The following AFF3 variants were observed in gnomAD, a reference collection of about 807,000 sequenced individuals.
The protein encoded by AFF3 is ALF transcription elongation factor 3.
Under a neutral mutation model 129.7 loss-of-function variants are expected in AFF3, and 32 were observed. That is an observed-to-expected ratio of 0.25 (90% confidence interval 0.19 to 0.33). The LOEUF (loss-of-function observed/expected upper bound fraction) is 0.33, where lower values mean the gene tolerates loss of function less well. Among genes scored for constraint, AFF3 ranks in the 10% least tolerant of loss-of-function variants. AFF3 has a pLI of 1.00. For synonymous variants in AFF3, 644 were observed against 635.4 expected (o/e 1.01, Z -0.20); for missense variants, 1,373 against 1,592.0 (o/e 0.86, Z 2.34).
At chr2:99,564,981 G>A (rs561034247) in intron 20 of AFF3, among the ~76,000 whole-genome samples, 45 of 152,168 alleles carry the variant, frequency 3.0e-4, no homozygotes, top group Non-Finnish European at 4.9e-4. Context: ...GCCTTGACAC[G>A]TCTGCTCACA....
chr2:99,825,035 G>A (rs1001371625), intron 8 of AFF3, among the ~76,000 whole-genome samples: 1 of 152,158 alleles, frequency 6.6e-6, no homozygotes, highest in Non-Finnish European at 1.5e-5. Flanking sequence ...TCTGGAAATA[G>A]GTCTGAGTTC....
At chr2:100,065,022 G>A (rs535159653) in intron 4 of AFF3, among the ~76,000 whole-genome samples, 14 of 152,292 alleles carry the variant, frequency 9.2e-5, no homozygotes, top group Admixed American at 3.3e-4. Context: ...TTAGTTCATA[G>A]ACAAGTTAAC....
At chr2:99,561,863 G>C (rs1454812015) in intron 20 of AFF3, among the ~76,000 whole-genome samples, 1 of 152,114 alleles carries the variant, frequency 6.6e-6, no homozygotes. Flanking sequence ...GTCTTTTAGA[G>C]ACACATACTT....
At chr2:99,817,973 A>ATGCAGAAT (rs1687373193) in intron 8 of AFF3, among the ~76,000 whole-genome samples, 1 of 152,216 alleles carries the variant, frequency 6.6e-6, no homozygotes, top group Admixed American at 6.5e-5. Flanking sequence ...ATGAAGACAT[A>ATGCAGAAT]TGCAGAATTC....
intron 4 of AFF3, among the ~76,000 whole-genome samples, chr2:100,022,356 T>C (rs193008501): frequency 1.6e-4 from 24 of 152,316 alleles, no homozygotes; most frequent in Non-Finnish European, 2.8e-4. Flanking sequence ...ACTCTAACAA[T>C]GTGTTTGTTT....
At chr2:99,559,047 G>T in intron 21 of AFF3, 79 bp from the exon 22 acceptor site, 2 of 1,301,432 alleles carry the variant, frequency 1.5e-6, no homozygotes, top group Non-Finnish European at 1.1e-6. Flanking sequence ...TTTTGTTGTT[G>T]TTCTAAGGTA....
chr2:99,972,222 A>G (rs1678456899), intron 7 of AFF3, among the ~76,000 whole-genome samples: 1 of 152,234 alleles, frequency 6.6e-6, no homozygotes, highest in South Asian at 2.1e-4. Context: ...CTCAGAAGAC[A>G]CAGGCTGGCT....
intron 8 of AFF3, among the ~76,000 whole-genome samples, chr2:99,773,494 T>C (rs958760915): frequency 6.9e-6 from 1 of 144,880 alleles, no homozygotes; most frequent in South Asian, 2.1e-4. Flanking sequence ...AATTCTTCTT[T>C]GGAAACTGTG....
At chr2:99,806,431 G>T (rs1371456137) in intron 8 of AFF3, among the ~76,000 whole-genome samples, 1 of 152,180 alleles carries the variant, frequency 6.6e-6, no homozygotes. Context: ...TCAGCTCTGC[G>T]ATGGGAGTGT....
intron 4 of AFF3, among the ~76,000 whole-genome samples, chr2:100,030,975 T>G (rs1684442130): frequency 6.6e-6 from 1 of 152,140 alleles, no homozygotes; most frequent in African/African-American, 2.4e-5. Flanking sequence ...AGAGTAAACC[T>G]TAAATCTCAT....
At chr2:99,689,642 T>C (rs570293435) in intron 11 of AFF3, among the ~76,000 whole-genome samples, 1 of 111,970 alleles carries the variant, frequency 8.9e-6, no homozygotes, top group South Asian at 3.2e-4. Context: ...GAGACACAGG[T>C]ATTTATTTAA....
intron 18 of AFF3, among the ~76,000 whole-genome samples, chr2:99,571,608 G>A (rs1284548436): frequency 6.6e-6 from 1 of 152,178 alleles, no homozygotes; most frequent in Admixed American, 6.5e-5. Context: ...AGTAACCTGA[G>A]ATGCTAATAG....
chr2:99,662,538 T>C (rs1056573271), intron 12 of AFF3, among the ~76,000 whole-genome samples: 3 of 152,198 alleles, frequency 2.0e-5, no homozygotes, highest in Non-Finnish European at 4.4e-5. Context: ...TGTGGTTAAG[T>C]TATCATAACG....
At chr2:99,570,423 A>T (rs1676367042) in intron 18 of AFF3, among the ~76,000 whole-genome samples, 1 of 152,064 alleles carries the variant, frequency 6.6e-6, no homozygotes, top group African/African-American at 2.4e-5. Flanking sequence ...TGCAGCATCA[A>T]CCACCTGGGG....
intron 13 of AFF3, among the ~76,000 whole-genome samples, chr2:99,615,126 C>T (rs569775755): frequency 6.6e-6 from 1 of 152,332 alleles, no homozygotes; most frequent in East Asian, 1.9e-4. Flanking sequence ...GCCTGTCCTT[C>T]AGATGGAAGT....
chr2:99,744,203 T>C (rs1680951746), intron 9 of AFF3, 63 bp from the exon 10 acceptor site: 2 of 1,462,574 alleles, frequency 1.4e-6, no homozygotes, highest in Non-Finnish European at 1.9e-6. Flanking sequence ...AAGTTAAACA[T>C]GAGATCATGT....
chr2:99,829,232 A>G (rs1277759839), intron 8 of AFF3, among the ~76,000 whole-genome samples: 6 of 152,344 alleles, frequency 3.9e-5, no homozygotes, highest in African/African-American at 1.2e-4. Context: ...ATGGGCAAAG[A>G]CTTCATGACT....
intron 7 of AFF3, among the ~76,000 whole-genome samples, chr2:99,868,861 C>T (rs750159917): frequency 9.2e-5 from 14 of 152,140 alleles, no homozygotes; most frequent in Middle Eastern, 3.2e-3. Context: ...GGTTTGATCA[C>T]GGCTCACTGC....
At chr2:99,665,885 A>G (rs1352064083) in intron 12 of AFF3, among the ~76,000 whole-genome samples, 1 of 152,216 alleles carries the variant, frequency 6.6e-6, no homozygotes, top group Non-Finnish European at 1.5e-5. Context: ...ACAGTGTTCA[A>G]TGCTGTAAGT....
Sources: gnomAD v4.1 joint callset for allele counts (sites outside exome capture counted in the v4.1 genomes callset) on GRCh38, gnomAD v4.1.1 for gene constraint, MANE v1.5 for transcripts, NCBI Gene and HGNC (gene_info 2026-07-23, HGNC 2026-07-21) for gene names.